TMEM150C: variants seen among roughly 807,000 people sequenced by gnomAD.
TMEM150C encodes tentonin 3.
Under a neutral mutation model 29.9 loss-of-function variants are expected in TMEM150C, and 10 were observed. The observed-to-expected ratio is 0.33, with a 90% confidence interval of 0.21 to 0.57. The LOEUF (loss-of-function observed/expected upper bound fraction) is 0.57, where lower values mean the gene tolerates loss of function less well. Among genes scored for constraint, TMEM150C ranks in the 20% least tolerant of loss-of-function variants. The pLI, the probability that TMEM150C is intolerant of heterozygous loss-of-function variation, is 0.88. For synonymous variants in TMEM150C, 101 were observed against 112.5 expected (o/e 0.90, Z 0.64); for missense variants, 251 against 303.6 (o/e 0.83, Z 1.29).
intron 7 of TMEM150C, among the ~76,000 whole-genome samples, chr4:82,486,069 A>C (rs894255554): frequency 6.6e-6 from 1 of 152,092 alleles, no homozygotes; most frequent in Non-Finnish European, 1.5e-5. Context: ...GGAAACTGAG[A>C]CCAAATGGGT....
intron 1 of TMEM150C, among the ~76,000 whole-genome samples, chr4:82,529,519 C>A (rs1326698981): frequency 6.6e-6 from 1 of 152,098 alleles, no homozygotes; most frequent in Non-Finnish European, 1.5e-5. Context: ...AATTCCTGGG[C>A]TCAAGCGATT....
chr4:82,530,003 A>T (rs1033005573), intron 1 of TMEM150C, among the ~76,000 whole-genome samples: 40 of 151,962 alleles, frequency 2.6e-4, no homozygotes, highest in African/African-American at 9.7e-4. Context: ...GAGAATTCAG[A>T]GGACGGGCCC....
chr4:82,511,468 C>A (rs1180615834), intron 1 of TMEM150C, among the ~76,000 whole-genome samples: 2 of 87,672 alleles, frequency 2.3e-5, no homozygotes, highest in East Asian at 3.8e-4. Flanking sequence ...ATTGTCCCAA[C>A]ACTATTTTTT....
At chr4:82,529,453 A>G (rs1166386868) in intron 1 of TMEM150C, among the ~76,000 whole-genome samples, 1 of 151,772 alleles carries the variant, frequency 6.6e-6, no homozygotes, top group African/African-American at 2.4e-5. Flanking sequence ...ATGCTTGACT[A>G]ATTTTTTTGA....
At chr4:82,503,026 A>T in intron 3 of TMEM150C, 33 bp downstream of exon 3, 1 of 1,609,698 alleles carries the variant, frequency 6.2e-7, no homozygotes, top group Non-Finnish European at 8.5e-7. Flanking sequence ...AAATCTCTTG[A>T]TGAACAACGA....
rs115933959 is a variant in TMEM150C, at chr4:82,485,011, G to A, written c.*500C>T. The A allele has an allele frequency of 0.018, 2,814 of 154,038 alleles. 88 individuals are homozygous for A. Among genetic ancestry groups the A allele is most frequent in the African/African-American group, 0.064 (2,656 of 41,554 alleles). The allele number at this position is 154,038 out of a possible 1,614,324, so 9.5% of individuals were successfully genotyped here. ...CTTCTCACTATGCCTTTCCACAGGC[G>A]ACACAGGGTCACATCTCAATACAAT... On this transcript the variant is annotated 3_prime_UTR_variant, in exon 8 of 8. Transcript: ENST00000449862.
intron 5 of TMEM150C, among the ~76,000 whole-genome samples, chr4:82,497,564 A>G (rs1357121470): frequency 6.6e-6 from 1 of 152,234 alleles, no homozygotes; most frequent in East Asian, 1.9e-4. Context: ...AAACTTGATT[A>G]ATATTTGGAT....
At chr4:82,516,958 A>G (rs1040682444) in intron 1 of TMEM150C, among the ~76,000 whole-genome samples, 1 of 152,218 alleles carries the variant, frequency 6.6e-6, no homozygotes, top group African/African-American at 2.4e-5. Context: ...GAACTAATCA[A>G]CAACTCAGAA....
At chr4:82,505,216 TA>T (rs1723876871) in intron 1 of TMEM150C, among the ~76,000 whole-genome samples, 1 of 152,178 alleles carries the variant, frequency 6.6e-6, no homozygotes, top group African/African-American at 2.4e-5. Context: ...ATTTTATTTT[TA>T]AATTTTTTTT....
chr4:82,487,224 G>A lies in TMEM150C; in HGVS notation c.542-1505C>T, dbSNP rs138399833. ...AACACTTTGGGAGGCCGAGGAGTGTGTATCACTTGAGCCCAGTAGTTCGAG... is the reference window on the plus strand; with the variant it reads ...AACACTTTGGGAGGCCGAGGAGTGTATATCACTTGAGCCCAGTAGTTCGAG... On this transcript the variant is annotated intron_variant, in intron 7 of 7. Transcript: ENST00000449862. Among the ~76,000 whole-genome samples, 13 of 151,992 alleles carry A rather than the reference G, an allele frequency of 8.6e-5. No homozygotes were observed. In the East Asian group the frequency reaches 2.5e-3, roughly 29 times the overall value.
chr4:82,515,373 T>C (rs1578135707), intron 1 of TMEM150C, among the ~76,000 whole-genome samples: 1 of 152,182 alleles, frequency 6.6e-6, no homozygotes, highest in Non-Finnish European at 1.5e-5. Context: ...AATGGCTGGG[T>C]AACATGACTA....
intron 5 of TMEM150C, among the ~76,000 whole-genome samples, chr4:82,501,379 G>A (rs981413746): frequency 6.6e-6 from 1 of 152,102 alleles, no homozygotes; most frequent in Non-Finnish European, 1.5e-5. Context: ...GGCATAAAGA[G>A]GAGAGCTTTT....
At chr4:82,549,454 G>C (rs1364478397) in intron 1 of TMEM150C, among the ~76,000 whole-genome samples, 2 of 152,168 alleles carry the variant, frequency 1.3e-5, no homozygotes, top group African/African-American at 4.8e-5. Context: ...GGTTGTCAGG[G>C]GCTAGGGGTA....
chr4:82,560,830 T>C (rs1335476609), intron 1 of TMEM150C, among the ~76,000 whole-genome samples: 6 of 152,228 alleles, frequency 3.9e-5, no homozygotes, highest in Non-Finnish European at 7.3e-5. Flanking sequence ...TTAGGCTTTG[T>C]TATTGTTTTA....
At chr4:82,510,081 C>T (rs1724074104) in intron 1 of TMEM150C, among the ~76,000 whole-genome samples, 1 of 151,968 alleles carries the variant, frequency 6.6e-6, no homozygotes, top group African/African-American at 2.4e-5. Flanking sequence ...AGATCGAGAC[C>T]ATCCTGGCTA....
intron 1 of TMEM150C, among the ~76,000 whole-genome samples, chr4:82,551,549 T>G (rs74952615): frequency 1.8e-3 from 273 of 152,296 alleles, no homozygotes; most frequent in African/African-American, 6.4e-3. Context: ...TGTTCAGACT[T>G]AGGGACAGAA....
At chr4:82,488,824 G>T (rs539032820) in intron 7 of TMEM150C, among the ~76,000 whole-genome samples, 2 of 152,200 alleles carry the variant, frequency 1.3e-5, no homozygotes, top group Non-Finnish European at 1.5e-5. Context: ...TTGCTATCTT[G>T]CCCAGGCTGG....
At chr4:82,543,196 T>C (rs1248061871) in intron 1 of TMEM150C, among the ~76,000 whole-genome samples, 5 of 152,178 alleles carry the variant, frequency 3.3e-5, no homozygotes, top group African/African-American at 9.7e-5. Flanking sequence ...TGCTTCTCAT[T>C]CTACTTCCTC....
intron 1 of TMEM150C, among the ~76,000 whole-genome samples, chr4:82,560,750 A>G (rs1335561036): frequency 1.3e-5 from 2 of 152,202 alleles, no homozygotes; most frequent in Non-Finnish European, 2.9e-5. Context: ...CCCAGAATGG[A>G]GTTATAGCCC....
Sources: gnomAD v4.1 joint callset for allele counts (sites outside exome capture counted in the v4.1 genomes callset) on GRCh38, gnomAD v4.1.1 for gene constraint, MANE v1.5 for transcripts, NCBI Gene and HGNC (gene_info 2026-07-23, HGNC 2026-07-21) for gene names.